Variants in SDK1 observed in about 807,000 individuals in gnomAD.
SDK1 encodes sidekick cell adhesion molecule 1, also known as protein sidekick-1.
Under a neutral mutation model 245.5 loss-of-function variants are expected in SDK1, and 157 were observed. That is an observed-to-expected ratio of 0.64 (90% CI 0.56 to 0.73). The LOEUF is 0.73. SDK1 is among the 30% of genes least tolerant of loss of function. SDK1 has a pLI of 0.00. For missense variants in SDK1, 3,583 were observed against 3,002.3 expected, an observed-to-expected ratio of 1.19 and a Z score of -4.52; for synonymous variants, 1,647 against 1,278.5, an observed-to-expected ratio of 1.29 and a Z score of -6.15.
intron 2 of SDK1, among the ~76,000 whole-genome samples, chr7:3,622,560 C>G (rs1370151172): frequency 1.3e-5 from 2 of 152,114 alleles, no homozygotes; most frequent in Admixed American, 6.6e-5. Flanking sequence ...ATATATGCAA[C>G]CTTTCAGAAT....
chr7:3,614,225 T>C (rs1216792961), intron 1 of SDK1, among the ~76,000 whole-genome samples: 1 of 152,214 alleles, frequency 6.6e-6, no homozygotes, highest in Non-Finnish European at 1.5e-5. Context: ...TGAGACTCTC[T>C]CTTTCATAAA....
At chr7:3,877,423 C>G (rs1781102390) in intron 5 of SDK1, among the ~76,000 whole-genome samples, 1 of 152,170 alleles carries the variant, frequency 6.6e-6, no homozygotes, top group Non-Finnish European at 1.5e-5. Flanking sequence ...AAAGAGAGAA[C>G]AACCGTGTTC....
At chr7:4,189,564 G>A (rs755952826) in intron 35 of SDK1, among the ~76,000 whole-genome samples, 11 of 152,108 alleles carry the variant, frequency 7.2e-5, no homozygotes, top group Non-Finnish European at 1.5e-4. Flanking sequence ...AAAATCACTC[G>A]GCCGGCCAGG....
intron 2 of SDK1, among the ~76,000 whole-genome samples, chr7:3,630,356 A>G (rs1011484657): frequency 3.3e-5 from 5 of 152,268 alleles, no homozygotes; most frequent in Admixed American, 6.5e-5. Context: ...TGTAGAAAAT[A>G]TATACTTTTA....
intron 1 of SDK1, among the ~76,000 whole-genome samples, chr7:3,368,144 G>T (rs973647832): frequency 3.3e-5 from 5 of 152,124 alleles, no homozygotes; most frequent in Non-Finnish European, 7.4e-5. Context: ...AGTAATAATG[G>T]CATCTGTGAA....
intron 1 of SDK1, among the ~76,000 whole-genome samples, chr7:3,511,287 CT>C (rs1782571588): frequency 6.6e-6 from 1 of 152,120 alleles, no homozygotes; most frequent in Non-Finnish European, 1.5e-5. Flanking sequence ...TTTTTGCTTT[CT>C]TTTTAGATGC....
At chr7:3,611,284 C>A (rs373346241) in intron 1 of SDK1, among the ~76,000 whole-genome samples, 2 of 152,268 alleles carry the variant, frequency 1.3e-5, no homozygotes, top group East Asian at 3.9e-4. Context: ...AGAGCCAACT[C>A]TTTTCACTGG....
intron 42 of SDK1, among the ~76,000 whole-genome samples, chr7:4,240,822 G>A (rs1013107701): frequency 6.6e-6 from 1 of 152,142 alleles, no homozygotes; most frequent in East Asian, 1.9e-4. Flanking sequence ...TGCAGGAAGG[G>A]GAGAGAAACC....
At chr7:3,397,235 G>T (rs1005877726) in intron 1 of SDK1, among the ~76,000 whole-genome samples, 1 of 151,818 alleles carries the variant, frequency 6.6e-6, no homozygotes, top group Non-Finnish European at 1.5e-5. Flanking sequence ...TAGGAGAAAA[G>T]CGTTCTCAAA....
At chr7:3,785,843 A>T (rs1780884545) in intron 4 of SDK1, among the ~76,000 whole-genome samples, 1 of 152,142 alleles carries the variant, frequency 6.6e-6, no homozygotes, top group South Asian at 2.1e-4. Flanking sequence ...TTCTGCTGTC[A>T]GTCACATCAT....
intron 4 of SDK1, among the ~76,000 whole-genome samples, chr7:3,647,878 G>GA (rs1205274001): frequency 3.3e-5 from 5 of 151,804 alleles, no homozygotes; most frequent in East Asian, 1.9e-4. Flanking sequence ...AGCAGAAGGG[G>GA]AAAAAAAATG....
intron 35 of SDK1, among the ~76,000 whole-genome samples, chr7:4,201,651 GGC>G: frequency 6.6e-6 from 1 of 152,220 alleles, no homozygotes; most frequent in Non-Finnish European, 1.5e-5. Context: ...GGCACAGGGA[GGC>G]TCCGGTGACA....
At chr7:3,411,817 A>G (rs901286117) in intron 1 of SDK1, among the ~76,000 whole-genome samples, 2 of 152,078 alleles carry the variant, frequency 1.3e-5, no homozygotes, top group Non-Finnish European at 2.9e-5. Flanking sequence ...AATTTGTTTA[A>G]TGTCTGTGAG....
intron 5 of SDK1, among the ~76,000 whole-genome samples, chr7:3,832,534 T>A (rs1421821154): frequency 6.6e-6 from 1 of 152,174 alleles, no homozygotes; most frequent in East Asian, 1.9e-4. Context: ...CCACAGAAAA[T>A]CAGGTAAAGT....
At chr7:3,563,784 AC>A (rs1258293654) in intron 1 of SDK1, among the ~76,000 whole-genome samples, 2 of 152,176 alleles carry the variant, frequency 1.3e-5, no homozygotes, top group Non-Finnish European at 2.9e-5. Flanking sequence ...ATAAAAATAA[AC>A]CGTGTATTAT....
At chr7:3,964,256 A>G (rs1198786067) in intron 9 of SDK1, among the ~76,000 whole-genome samples, 1 of 152,130 alleles carries the variant, frequency 6.6e-6, no homozygotes, top group African/African-American at 2.4e-5. Context: ...CCTGTGGGGA[A>G]ACTGCTGAGG....
chr7:3,971,159 T>C (rs1236516025), intron 11 of SDK1, among the ~76,000 whole-genome samples: 2 of 152,138 alleles, frequency 1.3e-5, no homozygotes, highest in African/African-American at 2.4e-5. Flanking sequence ...ATCTAGGTTT[T>C]ATTTTAGAGC....
At chr7:3,584,271 C>T (rs1780611063) in intron 1 of SDK1, among the ~76,000 whole-genome samples, 1 of 152,156 alleles carries the variant, frequency 6.6e-6, no homozygotes, top group Non-Finnish European at 1.5e-5. Context: ...ACCATGAGAT[C>T]TATTTGAATA....
At chr7:3,345,394 G>C (rs1487080507) in intron 1 of SDK1, among the ~76,000 whole-genome samples, 1 of 152,116 alleles carries the variant, frequency 6.6e-6, no homozygotes, top group Non-Finnish European at 1.5e-5. Flanking sequence ...GCAAACCAAA[G>C]TAGCTGTCAT....
Sources: allele counts gnomAD v4.1 joint callset (sites outside exome capture counted in the v4.1 genomes callset), GRCh38; gene constraint gnomAD v4.1.1; transcripts MANE v1.5; gene names NCBI Gene and HGNC (gene_info 2026-07-23, HGNC 2026-07-21).